The following SH3D19 variants were observed in gnomAD, a reference collection of about 807,000 sequenced individuals.
SH3D19 encodes SH3 domain containing 19.
In SH3D19, 58 loss-of-function variants were observed where a neutral mutation model predicts 112.1. The observed-to-expected ratio is 0.52, with a 90% CI of 0.42 to 0.64. The LOEUF (loss-of-function observed/expected upper bound fraction) is 0.64, where lower values mean the gene tolerates loss of function less well. Ranked by LOEUF, SH3D19 falls within the 30% of genes least tolerant of loss-of-function variation. The pLI is 0.00. For missense variants in SH3D19, 1,090 were observed against 1,263.4 expected (o/e 0.86, Z 2.08); for synonymous variants, 391 against 448.5 (o/e 0.87, Z 1.62).
chr4:151,231,255 T>C (rs1177947078), intron 1 of SH3D19, among the ~76,000 whole-genome samples: 1 of 152,186 alleles, frequency 6.6e-6, no homozygotes, highest in Non-Finnish European at 1.5e-5. Flanking sequence ...AAATAGACCA[T>C]GGATGGGATT....
chr4:151,222,230 A>G (rs1200310243), intron 2 of SH3D19, among the ~76,000 whole-genome samples: 1 of 152,214 alleles, frequency 6.6e-6, no homozygotes, highest in Non-Finnish European at 1.5e-5. Flanking sequence ...CCAGGAACAC[A>G]CACAACAGTT....
At chr4:151,149,414 G>C in intron 10 of SH3D19, 86 bp downstream of exon 10, 1 of 1,085,318 alleles carries the variant, frequency 9.2e-7, no homozygotes, top group Non-Finnish European at 1.4e-6. Flanking sequence ...AAAGATTCAA[G>C]GCCAACAACA....
intron 1 of SH3D19, among the ~76,000 whole-genome samples, chr4:151,278,019 C>T (rs1269227270): frequency 6.6e-6 from 1 of 151,888 alleles, no homozygotes; most frequent in East Asian, 1.9e-4. Context: ...CCAGCCTTAG[C>T]GACAGAGTAA....
At chr4:151,216,736 A>G (rs975032246) in intron 2 of SH3D19, among the ~76,000 whole-genome samples, 2 of 152,198 alleles carry the variant, frequency 1.3e-5, no homozygotes, top group African/African-American at 4.8e-5. Flanking sequence ...GCCCCACACT[A>G]AGTACTATGG....
chr4:151,262,025 T>C (rs774420114), intron 1 of SH3D19, among the ~76,000 whole-genome samples: 1 of 152,212 alleles, frequency 6.6e-6, no homozygotes, highest in Non-Finnish European at 1.5e-5. Flanking sequence ...AATAAATACA[T>C]ATTCTGAAGA....
intron 1 of SH3D19, among the ~76,000 whole-genome samples, chr4:151,299,601 A>AAAAG (rs5862957): frequency 2.0e-5 from 3 of 147,904 alleles, no homozygotes. Context: ...AAAAAAAAAA[A>AAAAG]TTAAAATCAC....
intron 2 of SH3D19, among the ~76,000 whole-genome samples, chr4:151,198,310 A>AT (rs1763798391): frequency 4.3e-5 from 3 of 69,336 alleles, no homozygotes; most frequent in Non-Finnish European, 1.5e-4. Context: ...GTCTCAAAAA[A>AT]AAAAAAAATA....
chr4:151,280,028 C>A, intron 1 of SH3D19: 2 of 909,662 alleles, frequency 2.2e-6, no homozygotes, highest in Non-Finnish European at 3.0e-6. Flanking sequence ...CATGAATGAA[C>A]CAAAAGACAA....
intron 19 of SH3D19, among the ~76,000 whole-genome samples, chr4:151,123,668 A>G (rs1024414396): frequency 2.0e-5 from 3 of 152,234 alleles, no homozygotes; most frequent in African/African-American, 7.2e-5. Flanking sequence ...AGGTTAGTCA[A>G]AGGGGCTGTG....
At chr4:151,131,858 A>G (rs1296530680) in intron 17 of SH3D19, among the ~76,000 whole-genome samples, 1 of 147,292 alleles carries the variant, frequency 6.8e-6, no homozygotes, top group African/African-American at 2.5e-5. Context: ...AGAGTCTCGC[A>G]CTGCCACCCA....
chr4:151,303,810 G>A (rs1057425136), intron 1 of SH3D19, among the ~76,000 whole-genome samples: 1 of 152,148 alleles, frequency 6.6e-6, no homozygotes, highest in African/African-American at 2.4e-5. Context: ...AGGTCTGAAT[G>A]AGGGGTTTGA....
At chr4:151,227,697 A>C (rs1305109144) in intron 1 of SH3D19, 1 of 964,512 alleles carries the variant, frequency 1.0e-6, no homozygotes, top group African/African-American at 1.8e-5. Flanking sequence ...ATAATGTCTC[A>C]AAGTAAAGCC....
chr4:151,195,991 T>A (rs955033073), intron 2 of SH3D19, among the ~76,000 whole-genome samples: 1 of 151,264 alleles, frequency 6.6e-6, no homozygotes, highest in African/African-American at 2.4e-5. Context: ...ACTATATATA[T>A]GCAAAGGGGT....
At chr4:151,266,540 C>T (rs1441832390) in intron 1 of SH3D19, among the ~76,000 whole-genome samples, 1 of 152,106 alleles carries the variant, frequency 6.6e-6, no homozygotes, top group African/African-American at 2.4e-5. Context: ...AGTGAAAATT[C>T]CGAATAATGG....
intron 2 of SH3D19, among the ~76,000 whole-genome samples, chr4:151,222,457 A>G (rs896222184): frequency 2.6e-5 from 4 of 152,174 alleles, no homozygotes; most frequent in Non-Finnish European, 4.4e-5. Context: ...TTTGGCATAT[A>G]TCTCCTAAGA....
intron 1 of SH3D19, among the ~76,000 whole-genome samples, chr4:151,320,719 T>C (rs1263763269): frequency 2.0e-5 from 3 of 151,556 alleles, no homozygotes; most frequent in Non-Finnish European, 1.5e-5. Flanking sequence ...TGCTGTGGTA[T>C]ATATTTATAC....
chr4:151,172,271 C>T (rs1311729130), intron 7 of SH3D19, among the ~76,000 whole-genome samples: 1 of 152,174 alleles, frequency 6.6e-6, no homozygotes, highest in Non-Finnish European at 1.5e-5. Context: ...AAACAAAAAT[C>T]CCTCCACAGG....
chr4:151,198,917 C>T (rs1316013272), intron 2 of SH3D19, among the ~76,000 whole-genome samples: 2 of 151,868 alleles, frequency 1.3e-5, no homozygotes, highest in African/African-American at 4.8e-5. Context: ...GAAATTGCAA[C>T]AGAAACTTCA....
intron 17 of SH3D19, among the ~76,000 whole-genome samples, 200 bp from the exon 18 acceptor site, chr4:151,128,556 A>G (rs896375004): frequency 6.6e-6 from 1 of 152,210 alleles, no homozygotes; most frequent in Admixed American, 6.5e-5. Context: ...TTCTTAAATT[A>G]TAACTCTAAA....
Sources: gnomAD v4.1 joint callset for allele counts (sites outside exome capture counted in the v4.1 genomes callset) on GRCh38, gnomAD v4.1.1 for gene constraint, MANE v1.5 for transcripts, NCBI Gene and HGNC (gene_info 2026-07-23, HGNC 2026-07-21) for gene names.